The following CSMD1 variants were observed in gnomAD, a reference collection of about 807,000 sequenced individuals.
The protein encoded by CSMD1 is CUB and Sushi multiple domains 1.
Under a neutral mutation model 417.5 loss-of-function variants are expected in CSMD1, and 213 were observed. The observed-to-expected ratio is 0.51, with a 90% CI of 0.46 to 0.57. CSMD1 has a LOEUF of 0.57. CSMD1 is among the 20% of genes least tolerant of loss of function. The pLI, the probability that CSMD1 is intolerant of heterozygous loss-of-function variation, is 0.00. For synonymous variants in CSMD1, 2,862 were observed against 1,736.8 expected (o/e 1.65, Z -16.11); for missense variants, 6,923 against 4,529.7 (o/e 1.53, Z -15.17).
chr8:4,555,726 T>C (rs1201410051), intron 2 of CSMD1, among the ~76,000 whole-genome samples: 1 of 152,162 alleles, frequency 6.6e-6, no homozygotes, highest in Non-Finnish European at 1.5e-5. Flanking sequence ...CCTGCACCCT[T>C]TCAGGGAAAC....
chr8:4,449,266 T>G (rs936946562), intron 2 of CSMD1, among the ~76,000 whole-genome samples: 1 of 152,180 alleles, frequency 6.6e-6, no homozygotes, highest in East Asian at 1.9e-4. Context: ...TTGTAACTAT[T>G]GAAAGGAAAC....
intron 2 of CSMD1, among the ~76,000 whole-genome samples, chr8:4,435,888 T>C (rs1398839337): frequency 1.3e-5 from 2 of 152,070 alleles, no homozygotes; most frequent in Middle Eastern, 6.3e-3. Context: ...GAGAGTGGAG[T>C]GTGTGTCAAA....
intron 3 of CSMD1, among the ~76,000 whole-genome samples, chr8:4,305,667 G>C (rs992130056): frequency 6.6e-6 from 1 of 152,206 alleles, no homozygotes; most frequent in Admixed American, 6.5e-5. Context: ...TCAACCAGCA[G>C]AGAGTAAGTG....
At position 2,987,729 on chromosome 8, in the gene CSMD1, G is replaced by C. The variant is rs558447342; in HGVS notation, c.8378-8929C>G. Among the ~76,000 whole-genome samples, 11 of 152,318 alleles carry C rather than the reference G, an allele frequency of 7.2e-5. No homozygotes were observed. In the South Asian group the frequency reaches 8.3e-4, roughly 11 times the overall value. ...TGCGGGTTCATCACCGTTTCCCTCT[G>C]TGCCAGGGGACACACCCTGCCAGCG... is the stretch of plus-strand genomic sequence containing the variant. On this transcript the variant is annotated intron_variant, in intron 54 of 69. Transcript: ENST00000635120.
intron 5 of CSMD1, among the ~76,000 whole-genome samples, chr8:3,832,229 G>C (rs1247258698): frequency 6.6e-6 from 1 of 152,132 alleles, no homozygotes; most frequent in Non-Finnish European, 1.5e-5. Flanking sequence ...GTCCAGACCT[G>C]GTACCTGAAG....
At chr8:4,587,020 G>A (rs1165931585) in intron 2 of CSMD1, among the ~76,000 whole-genome samples, 1 of 152,122 alleles carries the variant, frequency 6.6e-6, no homozygotes. Flanking sequence ...TTAAAAATAA[G>A]TTTAGTTAAT....
intron 1 of CSMD1, among the ~76,000 whole-genome samples, chr8:4,733,111 G>T (rs778871908): frequency 6.6e-6 from 1 of 152,062 alleles, no homozygotes; most frequent in Non-Finnish European, 1.5e-5. Context: ...AATTAGAATA[G>T]AAGGCAACCA....
intron 3 of CSMD1, among the ~76,000 whole-genome samples, chr8:4,193,602 G>A (rs1584997418): frequency 6.6e-6 from 1 of 152,060 alleles, no homozygotes; most frequent in South Asian, 2.1e-4. Flanking sequence ...GTCCCACCGG[G>A]CCCTCTGAGG....
intron 1 of CSMD1, among the ~76,000 whole-genome samples, chr8:4,830,040 A>G (rs1273866019): frequency 6.6e-6 from 1 of 152,180 alleles, no homozygotes; most frequent in African/African-American, 2.4e-5. Context: ...GGCACTAATC[A>G]CAAGGACTTA....
chr8:3,860,598 T>C (rs1804634553), intron 5 of CSMD1, among the ~76,000 whole-genome samples: 1 of 152,182 alleles, frequency 6.6e-6, no homozygotes, highest in Admixed American at 6.6e-5. Context: ...TTACACATCA[T>C]ATATGAACAT....
At chr8:3,756,515 C>T (rs1274075230) in intron 5 of CSMD1, among the ~76,000 whole-genome samples, 2 of 152,054 alleles carry the variant, frequency 1.3e-5, no homozygotes, top group Non-Finnish European at 2.9e-5. Flanking sequence ...GCAAGCCTAC[C>T]TTTTCCACAT....
At chr8:4,084,301 A>G (rs34738688) in intron 3 of CSMD1, among the ~76,000 whole-genome samples, 15,712 of 148,690 alleles carry the variant, frequency 0.11, 898 homozygotes, top group Middle Eastern at 0.17. Flanking sequence ...TTTTATGAAA[A>G]AAGTGACAAA....
intron 5 of CSMD1, among the ~76,000 whole-genome samples, chr8:3,980,145 G>A (rs943048365): frequency 7.2e-5 from 11 of 152,106 alleles, no homozygotes; most frequent in Admixed American, 1.3e-4. Flanking sequence ...GTGCTGTACG[G>A]TTTATAGAGC....
intron 2 of CSMD1, among the ~76,000 whole-genome samples, chr8:4,599,949 G>C (rs572593540): frequency 1.3e-5 from 2 of 152,082 alleles, no homozygotes; most frequent in Non-Finnish European, 2.9e-5. Context: ...GATCTGACAC[G>C]CATATGCTCT....
chr8:3,326,101 C>G (rs889739153), intron 23 of CSMD1, among the ~76,000 whole-genome samples: 3 of 152,198 alleles, frequency 2.0e-5, no homozygotes. Context: ...CCACAGAATG[C>G]TTGGCTTCTT....
At chr8:3,560,584 G>A (rs1799426512) in intron 10 of CSMD1, among the ~76,000 whole-genome samples, 1 of 152,122 alleles carries the variant, frequency 6.6e-6, no homozygotes. Context: ...AATGGGAGAG[G>A]AAGAAGGAAT....
intron 3 of CSMD1, among the ~76,000 whole-genome samples, chr8:4,212,419 A>C (rs1477412414): frequency 6.6e-6 from 1 of 152,164 alleles, no homozygotes; most frequent in Non-Finnish European, 1.5e-5. Flanking sequence ...TTTTGACATT[A>C]ACGTCCCAGG....
chr8:4,547,196 C>A (rs898152404), intron 2 of CSMD1, among the ~76,000 whole-genome samples: 16 of 152,272 alleles, frequency 1.1e-4, no homozygotes, highest in Admixed American at 9.2e-4. Flanking sequence ...TTAAACTAGG[C>A]CCCCGTTATC....
intron 37 of CSMD1, among the ~76,000 whole-genome samples, chr8:3,167,611 T>A (rs147877577): frequency 6.6e-6 from 1 of 152,222 alleles, no homozygotes; most frequent in Non-Finnish European, 1.5e-5. Context: ...GATGCTTCTA[T>A]GTAAAATTGC....
Sources: allele counts gnomAD v4.1 joint callset (sites outside exome capture counted in the v4.1 genomes callset), GRCh38; gene constraint gnomAD v4.1.1; transcripts MANE v1.5; gene names NCBI Gene and HGNC (gene_info 2026-07-23, HGNC 2026-07-21).